SNAP47: variants seen among roughly 807,000 people sequenced by gnomAD.
The protein encoded by SNAP47 is synaptosomal-associated protein 47.
Under a neutral mutation model 31.4 loss-of-function variants are expected in SNAP47, and 20 were observed. That is an observed-to-expected ratio of 0.64 (90% CI 0.45 to 0.93). SNAP47 has a LOEUF of 0.93. Among genes scored for constraint, SNAP47 ranks in the 40% least tolerant of loss-of-function variants. SNAP47 has a pLI of 0.00. For synonymous variants in SNAP47, 194 were observed against 213.4 expected (o/e 0.91, Z 0.79); for missense variants, 492 against 528.5 (o/e 0.93, Z 0.68).
At chr1:227,743,529 G>A (rs1232419582) in intron 1 of SNAP47, among the ~76,000 whole-genome samples, 1 of 152,208 alleles carries the variant, frequency 6.6e-6, no homozygotes, top group Non-Finnish European at 1.5e-5. Flanking sequence ...TCTGCATTGC[G>A]TGTTCGAGAC....
rs192188756 is a variant in SNAP47 at position 227,753,255 on chromosome 1, A to T, written c.497+5022A>T. 2.6e-5 allele frequency among the ~76,000 whole-genome samples: 4 copies of T among 152,276 alleles called. No individual in the cohort carries two copies. The East Asian group carries it at 5.8e-4, about 22-fold the overall frequency. ...GATACTGGTTTTATTTCCTTTGGCT[A>T]TTGTGGAGGCTAAAGCAACTCCATC... On this transcript the variant is annotated intron_variant, in intron 2 of 4. Transcript: ENST00000617596.
chr1:227,733,248 G>T, upstream of SNAP47: 1 of 885,408 alleles, frequency 1.1e-6, no homozygotes. Flanking sequence ...GACCGGCAGT[G>T]GGTGAAACAG....
At chr1:227,736,679 TG>T (rs1159299712) in intron 1 of SNAP47, among the ~76,000 whole-genome samples, 3 of 142,762 alleles carry the variant, frequency 2.1e-5, no homozygotes, top group Admixed American at 2.1e-4. Flanking sequence ...TTTGTTTTTT[TG>T]TTTTTGTTTT....
intron 2 of SNAP47, among the ~76,000 whole-genome samples, chr1:227,749,249 A>C (rs1662184266): frequency 6.6e-6 from 1 of 151,578 alleles, no homozygotes; most frequent in Non-Finnish European, 1.5e-5. Context: ...CTGAGGTATC[A>C]CCCATGGGCT....
At chr1:227,771,352 C>A (rs1232367993) in intron 4 of SNAP47, among the ~76,000 whole-genome samples, 1 of 152,162 alleles carries the variant, frequency 6.6e-6, no homozygotes, top group Non-Finnish European at 1.5e-5. Flanking sequence ...ATTACTCATG[C>A]CCCTGACACC....
chr1:227,768,313 C>A (rs1275145175), intron 4 of SNAP47: 2 of 985,320 alleles, frequency 2.0e-6, no homozygotes, highest in South Asian at 4.7e-5. Context: ...TCTTGCAGTT[C>A]TGTGTCCACG....
At chr1:227,733,682 C>T, upstream of SNAP47, 1 of 1,600,032 alleles carries the variant, frequency 6.2e-7, no homozygotes, top group Non-Finnish European at 8.5e-7. Context: ...GAACGGGGAC[C>T]TGCGGCAGCA....
chr1:227,740,026 A>G (rs1222910698), intron 1 of SNAP47, among the ~76,000 whole-genome samples: 2 of 152,244 alleles, frequency 1.3e-5, no homozygotes, highest in Non-Finnish European at 2.9e-5. Flanking sequence ...GCACAAATTC[A>G]TTGGGTGCCC....
rs879581305 is a variant in SNAP47 at position 227,763,577 on chromosome 1, C to G, written c.989-3382C>G. 2.0e-5 allele frequency among the ~76,000 whole-genome samples: 3 copies of G among 152,192 alleles called. No homozygotes were observed. Among genetic ancestry groups the G allele is most frequent in the Admixed American group, 6.5e-5 (1 of 15,280 alleles). The stretch of plus-strand genomic sequence containing the variant: ...AGCACCCAGGAGCCTGCTGTGGCAC[C>G]GCGGGCTCGGGTTGGGCTGACTGGG... On this transcript the variant is annotated intron_variant, in intron 3 of 4. Coordinates refer to ENST00000617596, the MANE Select transcript of SNAP47 (RefSeq NM_053052.4). This position sits in a 1 kb window ranked among gnomAD's most constrained non-coding sequence, Gnocchi z 4.2.
rs367842594 is a variant in SNAP47, at chr1:227,769,225, C to A, written c.1113+2142C>A. ...CCCAGTGGCTCAACACCGGGAGGAA[C>A]AGGCTTCACATTCACGACTGTGGCA... On this transcript the variant is annotated intron_variant, in intron 4 of 4. Transcript: ENST00000617596. 4.9e-4 allele frequency among the ~76,000 whole-genome samples: 75 copies of A among 152,266 alleles called. No homozygotes were observed. The South Asian group carries it at 0.01, about 21-fold the overall frequency.
chr1:227,766,558 C>T (rs965228141), intron 3 of SNAP47, among the ~76,000 whole-genome samples: 53 of 152,190 alleles, frequency 3.5e-4, no homozygotes, highest in Non-Finnish European at 1.3e-4. Context: ...TGGGCCACTT[C>T]CTGTGCTCTC....
In SNAP47 at chr1:227,780,778, T is replaced by C; in HGVS notation, c.*105T>C. 6.7e-7 allele frequency: 1 copy of C among 1,488,216 alleles called. No homozygotes were observed. Among genetic ancestry groups the C allele is most frequent in the Non-Finnish European group, 9.1e-7 (1 of 1,100,306 alleles). 92.2% of individuals were successfully genotyped at this position (1,488,216 alleles called of 1,614,324 possible). A position where few individuals can be genotyped will look rare whatever the true frequency, so the allele number is the denominator to read the frequency against. ...AGAGGCCTGTGGCCCTCCGGAGTGG[T>C]CTTCCTCTGGATGGGGCTGCTACTG... On this transcript the variant is annotated 3_prime_UTR_variant, in exon 5 of 5. Transcript: ENST00000617596.
intron 1 of SNAP47, among the ~76,000 whole-genome samples, chr1:227,742,843 C>G (rs538300517): frequency 2.4e-4 from 37 of 152,344 alleles, no homozygotes; most frequent in African/African-American, 7.9e-4. Context: ...TTATCCTCCT[C>G]CTAATTCTGA....
intron 4 of SNAP47, among the ~76,000 whole-genome samples, chr1:227,767,557 TGTG>T (rs1054943386): frequency 7.3e-5 from 11 of 151,508 alleles, no homozygotes; most frequent in Admixed American, 2.0e-4. Flanking sequence ...ATGTGTGTGT[TGTG>T]TGTGTTGTGT....
chr1:227,765,052 T>C (rs1471809862), intron 3 of SNAP47, among the ~76,000 whole-genome samples: 1 of 152,180 alleles, frequency 6.6e-6, no homozygotes, highest in Non-Finnish European at 1.5e-5. Context: ...TAAATAGTTG[T>C]TGTTTTTTAA....
At chr1:227,744,287 G>A (rs538764023) in intron 1 of SNAP47, among the ~76,000 whole-genome samples, 5 of 151,822 alleles carry the variant, frequency 3.3e-5, no homozygotes, top group African/African-American at 7.2e-5. Context: ...CAGTTCACAC[G>A]AGCAATGAGA....
upstream of SNAP47, chr1:227,732,801 G>T: frequency 1.7e-5 from 27 of 1,595,048 alleles, no homozygotes; most frequent in Non-Finnish European, 2.3e-5. Context: ...CTGAGAAGCT[G>T]CGCGGTGACC....
At chr1:227,750,907 T>C in intron 2 of SNAP47, among the ~76,000 whole-genome samples, 1 of 152,132 alleles carries the variant, frequency 6.6e-6, no homozygotes, top group East Asian at 1.9e-4. Context: ...AGAGACTGTG[T>C]AGAGGGAGAT....
intron 1 of SNAP47, among the ~76,000 whole-genome samples, chr1:227,729,751 CTCCTGTCTCCACCTCCATGGA>C (rs1660520905): frequency 6.6e-6 from 1 of 152,200 alleles, no homozygotes; most frequent in Admixed American, 6.5e-5. Context: ...TGACCTGGGG[CTCCTGTCTCCACCTCCATGGA>C]TTCCAGCCAA....
Sources: allele counts gnomAD v4.1 joint callset (sites outside exome capture counted in the v4.1 genomes callset), GRCh38; gene constraint gnomAD v4.1.1; non-coding constraint Gnocchi (gnomAD v3.1); transcripts MANE v1.5; gene names NCBI Gene and HGNC (gene_info 2026-07-23, HGNC 2026-07-21).